The following CERS6 variants were observed in gnomAD, a reference collection of about 807,000 sequenced individuals.
CERS6 encodes the protein LAG1 homolog, ceramide synthase 6.
A neutral mutation model predicts 56.8 loss-of-function variants in CERS6; 26 were observed. The observed-to-expected ratio is 0.46, with a 90% confidence interval of 0.34 to 0.63. CERS6 has a LOEUF of 0.63. CERS6 is among the 30% of genes least tolerant of loss of function. CERS6 has a pLI of 0.01. For synonymous variants in CERS6, 164 were observed against 173.3 expected (o/e 0.95, Z 0.42); for missense variants, 415 against 467.5 (o/e 0.89, Z 1.04).
At chr2:168,586,953 C>CTGAG (rs1274899301) in intron 3 of CERS6, among the ~76,000 whole-genome samples, 3 of 152,042 alleles carry the variant, frequency 2.0e-5, no homozygotes, top group Non-Finnish European at 2.9e-5. Context: ...GGCGGATTAC[C>CTGAG]TGAGGTCAGG....
At chr2:168,464,915 A>C (rs1227677622) in intron 1 of CERS6, among the ~76,000 whole-genome samples, 1 of 152,238 alleles carries the variant, frequency 6.6e-6, no homozygotes, top group Non-Finnish European at 1.5e-5. Context: ...GGGTGAGGAC[A>C]AATTGGATCT....
At chr2:168,732,475 A>G (rs890533775) in intron 8 of CERS6, among the ~76,000 whole-genome samples, 1 of 152,216 alleles carries the variant, frequency 6.6e-6, no homozygotes, top group African/African-American at 2.4e-5. Flanking sequence ...CTAATATAGT[A>G]TAACCCTTTT....
intron 1 of CERS6, among the ~76,000 whole-genome samples, chr2:168,540,628 T>C (rs1201227565): frequency 1.3e-5 from 2 of 152,230 alleles, no homozygotes; most frequent in Non-Finnish European, 2.9e-5. Flanking sequence ...CCTAATCATG[T>C]GATTCTCAGA....
chr2:168,645,480 G>A (rs889315443), intron 4 of CERS6, among the ~76,000 whole-genome samples: 1 of 151,596 alleles, frequency 6.6e-6, no homozygotes, highest in Non-Finnish European at 1.5e-5. Flanking sequence ...TCCTTATTTT[G>A]CCTTTTTAAA....
At chr2:168,462,486 A>G (rs1693796071) in intron 1 of CERS6, among the ~76,000 whole-genome samples, 1 of 152,220 alleles carries the variant, frequency 6.6e-6, no homozygotes, top group Non-Finnish European at 1.5e-5. Flanking sequence ...TCCTGACACC[A>G]TAATCTTTAT....
chr2:168,554,023 G>T (rs1695632142), intron 2 of CERS6, among the ~76,000 whole-genome samples: 1 of 152,140 alleles, frequency 6.6e-6, no homozygotes, highest in Non-Finnish European at 1.5e-5. Context: ...GTATTGGGTG[G>T]TGGAGGAGAA....
intron 3 of CERS6, among the ~76,000 whole-genome samples, chr2:168,593,594 A>G (rs1683727103): frequency 6.6e-6 from 1 of 152,154 alleles, no homozygotes. Context: ...TTCTGTGCAC[A>G]TAATAGAAGA....
At chr2:168,512,095 G>C (rs758854575) in intron 1 of CERS6, among the ~76,000 whole-genome samples, 1 of 152,146 alleles carries the variant, frequency 6.6e-6, no homozygotes, top group Non-Finnish European at 1.5e-5. Context: ...AAAAACTGCT[G>C]TATGATTCCA....
At chr2:168,471,452 A>G (rs1693977073) in intron 1 of CERS6, among the ~76,000 whole-genome samples, 1 of 152,256 alleles carries the variant, frequency 6.6e-6, no homozygotes, top group Non-Finnish European at 1.5e-5. Flanking sequence ...ATAGCATAAA[A>G]TAAATGTTCT....
chr2:168,612,013 A>G (rs1684201020), intron 3 of CERS6, among the ~76,000 whole-genome samples: 2 of 152,234 alleles, frequency 1.3e-5, no homozygotes, highest in South Asian at 2.1e-4. Context: ...GGTGTACGTC[A>G]TAAGCCAGCT....
At chr2:168,537,133 A>G (rs1210788877) in intron 1 of CERS6, among the ~76,000 whole-genome samples, 1 of 152,268 alleles carries the variant, frequency 6.6e-6, no homozygotes, top group East Asian at 1.9e-4. Flanking sequence ...TACATGTAGT[A>G]TGATGCAATT....
intron 4 of CERS6, among the ~76,000 whole-genome samples, chr2:168,637,865 C>G (rs1684898788): frequency 1.3e-5 from 2 of 151,232 alleles, no homozygotes; most frequent in South Asian, 4.2e-4. Flanking sequence ...AGGTTTTTTT[C>G]AATATATCTT....
intron 3 of CERS6, among the ~76,000 whole-genome samples, chr2:168,619,370 A>G (rs1308434034): frequency 6.6e-6 from 1 of 152,208 alleles, no homozygotes; most frequent in East Asian, 1.9e-4. Context: ...ACTTAATTAA[A>G]CTAAAGAACT....
chr2:168,674,120 T>C (rs2105342550), intron 4 of CERS6, among the ~76,000 whole-genome samples: 1 of 152,290 alleles, frequency 6.6e-6, no homozygotes, highest in African/African-American at 2.4e-5. Flanking sequence ...GCAAGTCAAA[T>C]TTCATGTGCA....
chr2:168,752,547 G>A (rs965446711), intron 8 of CERS6, among the ~76,000 whole-genome samples: 3 of 152,212 alleles, frequency 2.0e-5, no homozygotes, highest in East Asian at 1.9e-4. Context: ...CAGTCCTTGT[G>A]TATTCATATT....
chr2:168,662,370 G>A (rs563958625), intron 4 of CERS6, among the ~76,000 whole-genome samples: 13 of 152,242 alleles, frequency 8.5e-5, no homozygotes, highest in African/African-American at 3.1e-4. Context: ...TGCTGTAAAA[G>A]GAAGAGTATC....
At chr2:168,501,648 A>G (rs1044456921) in intron 1 of CERS6, among the ~76,000 whole-genome samples, 1 of 152,250 alleles carries the variant, frequency 6.6e-6, no homozygotes, top group East Asian at 1.9e-4. Flanking sequence ...GCTTTAGGCC[A>G]GGACAAAATT....
intron 3 of CERS6, among the ~76,000 whole-genome samples, chr2:168,599,083 G>C (rs1191814002): frequency 6.6e-6 from 1 of 152,160 alleles, no homozygotes; most frequent in East Asian, 1.9e-4. Context: ...TAGGGCATTA[G>C]AGGCATAACC....
intron 1 of CERS6, among the ~76,000 whole-genome samples, chr2:168,493,279 C>G (rs1694406317): frequency 6.6e-6 from 1 of 152,138 alleles, no homozygotes; most frequent in African/African-American, 2.4e-5. Context: ...CTCTCCTAGC[C>G]ACTTAAATAA....
Sources: allele counts gnomAD v4.1 joint callset (sites outside exome capture counted in the v4.1 genomes callset), GRCh38; gene constraint gnomAD v4.1.1; transcripts MANE v1.5; gene names NCBI Gene and HGNC (gene_info 2026-07-23, HGNC 2026-07-21).